Variants in PCDHGA2 observed in about 807,000 individuals in gnomAD.
PCDHGA2 encodes the protein protocadherin gamma subfamily A, 2.
A neutral mutation model predicts 59.2 loss-of-function variants in PCDHGA2; 40 were observed. The observed-to-expected ratio is 0.68, with a 90% CI of 0.52 to 0.88. PCDHGA2 has a LOEUF of 0.88. Ranked by LOEUF, PCDHGA2 falls within the 40% of genes least tolerant of loss-of-function variation. PCDHGA2 has a pLI of 0.00. For missense variants in PCDHGA2, 1,226 were observed against 1,204.0 expected (o/e 1.02, Z -0.27); for synonymous variants, 560 against 526.0 (o/e 1.06, Z -0.89).
chr5:141,343,926 A>T (rs895035430), intron 1 of PCDHGA2: 2 of 1,025,560 alleles, frequency 2.0e-6, no homozygotes, highest in African/African-American at 3.3e-5. Context: ...CAGCTGTTTG[A>T]CCTGTGAATT....
At position 141,485,129 on chromosome 5, in the gene PCDHGA2, T is replaced by G. The variant is rs761201450; in HGVS notation, c.2425-9678T>G. 2.1e-6 allele frequency: 3 copies of G among 1,462,964 alleles called. No individual in the cohort carries two copies. Among genetic ancestry groups the G allele is most frequent in the Non-Finnish European group, 2.8e-6 (3 of 1,053,766 alleles). 90.6% of individuals were successfully genotyped at this position (1,462,964 alleles called of 1,614,324 possible). A position where few individuals can be genotyped will look rare whatever the true frequency, so the allele number is the denominator to read the frequency against. On this transcript the variant is annotated intron_variant, in intron 1 of 3. Coordinates refer to ENST00000394576, the MANE Select transcript of PCDHGA2 (RefSeq NM_018915.4). The surrounding 1 kb of genome is among the most constrained non-coding windows in gnomAD (Gnocchi z 5.7). ...TGTGGCTGTTTGGGGCGGGTCGGCT[T>G]CATCCGCGTCTCAGGAGCAAGTAGA...
chr5:141,383,179 G>C, intron 1 of PCDHGA2: 1 of 1,614,124 alleles, frequency 6.2e-7, no homozygotes, highest in Non-Finnish European at 8.5e-7. Context: ...AGACCGGGAA[G>C]AGATCTGCGC....
intron 1 of PCDHGA2, chr5:141,365,174 C>A: frequency 6.2e-7 from 1 of 1,613,878 alleles, no homozygotes; most frequent in Non-Finnish European, 8.5e-7. Flanking sequence ...CTACTCTTTT[C>A]GCAATGAAGA....
chr5:141,388,818 G>T, intron 1 of PCDHGA2: 2 of 1,613,928 alleles, frequency 1.2e-6, no homozygotes, highest in Non-Finnish European at 1.7e-6. Context: ...AGAAGTCAAA[G>T]AATATTCCAT....
At chr5:141,357,582 T>C (rs748611529) in intron 1 of PCDHGA2, 1 of 1,614,204 alleles carries the variant, frequency 6.2e-7, no homozygotes, top group Admixed American at 1.7e-5. Flanking sequence ...TTCTGATAAC[T>C]CAGGATTTAC....
rs2099725414 is a variant in PCDHGA2, at chr5:141,491,703, GA to G, written c.2425-3103del. On this transcript the variant is annotated intron_variant, in intron 1 of 3. Coordinates refer to ENST00000394576, the MANE Select transcript of PCDHGA2 (RefSeq NM_018915.4). The surrounding 1 kb of genome is among the most constrained non-coding windows in gnomAD (Gnocchi z 6.9). ...ATACGCTGCGGGAGCGGAGCCAGGT[GA>G]GGGGCTCGGCGCCGCCCCGGGCGAC... is the stretch of plus-strand genomic sequence containing the variant. The G allele has an allele frequency of 3.7e-6, 6 of 1,611,396 alleles. No homozygotes were observed.
chr5:141,374,648 C>T, intron 1 of PCDHGA2: 5 of 1,612,462 alleles, frequency 3.1e-6, no homozygotes, highest in Non-Finnish European at 4.2e-6. Flanking sequence ...AGCCCATGGG[C>T]CCAAGTACCC....
At chr5:141,374,951 C>T (rs780549456) in intron 1 of PCDHGA2, 2 of 1,614,018 alleles carry the variant, frequency 1.2e-6, no homozygotes, top group Non-Finnish European at 1.7e-6. Context: ...AAAGATCTCA[C>T]AAATTTTCTG....
chr5:141,365,000 G>A (rs188773052), intron 1 of PCDHGA2: 10 of 1,613,822 alleles, frequency 6.2e-6, no homozygotes, highest in Admixed American at 5.0e-5. Context: ...GGTACTCTCC[G>A]GCACCACGCA....
Position 141,427,970 on chromosome 5 carries a change from C to A in PCDHGA2, c.2425-66837C>A, listed in dbSNP as rs760792774. On this transcript the variant is annotated intron_variant, in intron 1 of 3. Coordinates refer to ENST00000394576, the MANE Select transcript of PCDHGA2 (RefSeq NM_018915.4). ...ATGACAATGTGCCGCGGGTGCTGTA[C>A]CCCGCGCTGGGGCCCGATGGCTCCG... 1.9e-6 allele frequency: 3 copies of A among 1,592,510 alleles called. No individual in the cohort carries two copies. The Admixed American group carries it at 5.0e-5, about 27-fold the overall frequency.
intron 1 of PCDHGA2, chr5:141,428,211 C>T (rs777952475): frequency 2.2e-5 from 28 of 1,284,198 alleles, no homozygotes; most frequent in South Asian, 4.9e-5. Flanking sequence ...CTACGCTTCA[C>T]CTAGTCTTCG....
intron 1 of PCDHGA2, chr5:141,415,605 G>T: frequency 1.2e-6 from 2 of 1,613,122 alleles, no homozygotes; most frequent in Non-Finnish European, 1.7e-6. Flanking sequence ...ATACCCCATT[G>T]GTTCCAGTGA....
At chr5:141,472,980 C>CAAAAAAAAAAAAAAAAAAAAAA (rs60579131) in intron 1 of PCDHGA2, among the ~76,000 whole-genome samples, 6 of 86,102 alleles carry the variant, frequency 7.0e-5, no homozygotes, top group African/African-American at 1.2e-4. Flanking sequence ...GAGTGAAACT[C>CAAAAAAAAAAAAAAAAAAAAAA]AAAAAAAAAA....
At chr5:141,501,516 C>T (rs763346187) in intron 2 of PCDHGA2, among the ~76,000 whole-genome samples, 1 of 152,010 alleles carries the variant, frequency 6.6e-6, no homozygotes, top group African/African-American at 2.4e-5. Context: ...GGCCTCCAAG[C>T]TGAAGCCCAG....
intron 1 of PCDHGA2, chr5:141,394,476 C>T (rs763209018): frequency 3.8e-5 from 61 of 1,614,238 alleles, no homozygotes; most frequent in Admixed American, 1.7e-4. Flanking sequence ...CGTGCTGGAC[C>T]AGAATGACAA....
intron 1 of PCDHGA2, chr5:141,397,922 G>A: frequency 1.4e-6 from 1 of 731,582 alleles, no homozygotes; most frequent in Non-Finnish European, 2.2e-6. Flanking sequence ...AGATCTCCTC[G>A]CGCAGCCGCA....
At chr5:141,355,760 A>G in intron 1 of PCDHGA2, 1 of 1,613,936 alleles carries the variant, frequency 6.2e-7, no homozygotes, top group Non-Finnish European at 8.5e-7. Flanking sequence ...AGTGGGGCCG[A>G]TGGGATTAAG....
At chr5:141,348,999 A>G (rs1758216854) in intron 1 of PCDHGA2, among the ~76,000 whole-genome samples, 1 of 152,172 alleles carries the variant, frequency 6.6e-6, no homozygotes, top group Non-Finnish European at 1.5e-5. Flanking sequence ...TACCTCTCCA[A>G]TATTTACCAG....
rs1457243337 is a variant in PCDHGA2 at position 141,493,567 on chromosome 5, C to T, written c.2425-1240C>T. Reference sequence around the variant, plus strand: ...TTTGGAGATTGAGTTCCCCCAGCTCCGTTTCCTCCTATCACAATCACTGCA... The same window carrying T: ...TTTGGAGATTGAGTTCCCCCAGCTCTGTTTCCTCCTATCACAATCACTGCA... On this transcript the variant is annotated intron_variant, in intron 1 of 3. Transcript: ENST00000394576. This position sits in a 1 kb window ranked among gnomAD's most constrained non-coding sequence, Gnocchi z 4.3. Among the ~76,000 whole-genome samples, 3 of 152,266 alleles carry T rather than the reference C, an allele frequency of 2.0e-5. No individual in the cohort carries two copies. The highest frequency in any genetic ancestry group is 4.4e-5 in the Non-Finnish European group (3 of 68,018).
Sources: allele counts gnomAD v4.1 joint callset (sites outside exome capture counted in the v4.1 genomes callset), GRCh38; gene constraint gnomAD v4.1.1; non-coding constraint Gnocchi (gnomAD v3.1); transcripts MANE v1.5; gene names NCBI Gene and HGNC (gene_info 2026-07-23, HGNC 2026-07-21).